Variants in RANBP9 observed in about 807,000 individuals in gnomAD.
The protein encoded by RANBP9 is RAN binding protein 9, also known as ran-binding protein 9.
Under a neutral mutation model 84.3 loss-of-function variants are expected in RANBP9, and 15 were observed. The observed-to-expected ratio is 0.18, with a 90% CI of 0.12 to 0.27. RANBP9 has a LOEUF of 0.27. RANBP9 is among the 10% of genes least tolerant of loss of function. The pLI, the probability that RANBP9 is intolerant of heterozygous loss-of-function variation, is 1.00. For missense variants in RANBP9, 809 were observed against 912.8 expected (o/e 0.89, Z 1.46); for synonymous variants, 392 against 349.6 (o/e 1.12, Z -1.35).
chr6:13,635,668 G>A (rs897519022), intron 10 of RANBP9, among the ~76,000 whole-genome samples: 1 of 150,264 alleles, frequency 6.7e-6, no homozygotes, highest in African/African-American at 2.4e-5. Flanking sequence ...ATGGCCCTAC[G>A]ACTCCAGAGC....
chr6:13,692,527 C>CAAAA (rs61237158), intron 2 of RANBP9, among the ~76,000 whole-genome samples: 18 of 28,710 alleles, frequency 6.3e-4, no homozygotes, highest in East Asian at 1.4e-3. Context: ...AACTCCGTCT[C>CAAAA]AAAAAAAAAA....
chr6:13,639,433 C>G (rs771018398), intron 9 of RANBP9, 130 bp downstream of exon 9: 1 of 997,520 alleles, frequency 1.0e-6, no homozygotes, highest in Non-Finnish European at 1.4e-6. Flanking sequence ...CCACCCTGGC[C>G]TCCCAAAGTG....
At chr6:13,667,738 T>C (rs147664771) in intron 2 of RANBP9, among the ~76,000 whole-genome samples, 379 of 152,268 alleles carry the variant, frequency 2.5e-3, no homozygotes, top group African/African-American at 8.6e-3. Flanking sequence ...CAACATGGCC[T>C]AGGTGTTTAA....
At chr6:13,666,600 CAAAAAAAAAAAAAAAAA>C (rs70989878) in intron 2 of RANBP9, among the ~76,000 whole-genome samples, 6 of 43,670 alleles carry the variant, frequency 1.4e-4, no homozygotes, top group Non-Finnish European at 2.6e-4. Flanking sequence ...CCCGTCTCTC[CAAAAAAAAAAAAAAAAA>C]AAAAAAAAAA....
intron 11 of RANBP9, among the ~76,000 whole-genome samples, chr6:13,634,136 C>T (rs1764871752): frequency 6.6e-6 from 1 of 152,186 alleles, no homozygotes; most frequent in African/African-American, 2.4e-5. Flanking sequence ...TCATCTCCAA[C>T]CTAAAATAGC....
intron 1 of RANBP9, among the ~76,000 whole-genome samples, chr6:13,708,723 T>TTGCTAC (rs755869909): frequency 2.0e-5 from 3 of 152,076 alleles, no homozygotes; most frequent in African/African-American, 7.2e-5. Flanking sequence ...TACTTCTCCT[T>TTGCTAC]TGCTACTGCT....
intron 2 of RANBP9, among the ~76,000 whole-genome samples, chr6:13,671,461 G>A (rs1303802727): frequency 6.6e-6 from 1 of 152,152 alleles, no homozygotes; most frequent in African/African-American, 2.4e-5. Flanking sequence ...AAAAAGGAAT[G>A]GAGTATTGAT....
At chr6:13,625,805 C>A in intron 12 of RANBP9, 41 bp from the exon 13 acceptor site, 1 of 1,338,254 alleles carries the variant, frequency 7.5e-7, no homozygotes, top group South Asian at 1.2e-5. Context: ...TCAAATAGTT[C>A]AACTATTATG....
At chr6:13,679,124 C>A (rs1765968658) in intron 2 of RANBP9, among the ~76,000 whole-genome samples, 1 of 152,152 alleles carries the variant, frequency 6.6e-6, no homozygotes, top group South Asian at 2.1e-4. Context: ...TCTCTCTACA[C>A]TGCACCTTCT....
intron 2 of RANBP9, among the ~76,000 whole-genome samples, chr6:13,661,215 T>C (rs1765532335): frequency 6.6e-6 from 1 of 152,158 alleles, no homozygotes. Context: ...TTAACCAGGA[T>C]CTAAACCAGT....
At chr6:13,680,914 T>C (rs561929156) in intron 2 of RANBP9, among the ~76,000 whole-genome samples, 1 of 152,326 alleles carries the variant, frequency 6.6e-6, no homozygotes, top group East Asian at 1.9e-4. Context: ...GAATGTGAGC[T>C]TCAGATAACC....
rs1764467447 is a variant in RANBP9, at chr6:13,622,149, GACAA to G, written c.*209_*212del. ...GAAATTCAGTAATATTTAACTCTTA[GACAA>G]CTAAGAGGTTAAAGATGGAAAATAA... On this transcript the variant is annotated 3_prime_UTR_variant, in exon 14 of 14. Transcript: ENST00000011619. 5.6e-6 allele frequency: 2 copies of G among 354,738 alleles called. No homozygotes were observed. Among genetic ancestry groups the G allele is most frequent in the African/African-American group, 4.3e-5 (2 of 46,960 alleles). The allele number at this position is 354,738 out of a possible 1,614,324, so 22.0% of individuals were successfully genotyped here. A position where few individuals can be genotyped will look rare whatever the true frequency, so the allele number is the denominator to read the frequency against.
chr6:13,690,824 T>C (rs367859166), intron 2 of RANBP9, among the ~76,000 whole-genome samples: 1 of 152,056 alleles, frequency 6.6e-6, no homozygotes, highest in Non-Finnish European at 1.5e-5. Context: ...CAATGATCAC[T>C]AAAAAGAAGG....
intron 5 of RANBP9, among the ~76,000 whole-genome samples, chr6:13,645,454 CA>C (rs1457097703): frequency 6.6e-6 from 1 of 152,092 alleles, no homozygotes; most frequent in Non-Finnish European, 1.5e-5. Context: ...TTCAAGTAAA[CA>C]AAAAATACAG....
intron 3 of RANBP9, among the ~76,000 whole-genome samples, chr6:13,658,329 CT>C (rs1381566695): frequency 1.3e-5 from 2 of 152,192 alleles, no homozygotes; most frequent in Non-Finnish European, 2.9e-5. Flanking sequence ...GCTCAGCAGG[CT>C]GGGCATGGTG....
intron 12 of RANBP9, among the ~76,000 whole-genome samples, chr6:13,629,889 GTC>G (rs936034680): frequency 3.2e-4 from 45 of 140,088 alleles, no homozygotes; most frequent in Admixed American, 6.6e-4. Context: ...TCTCTCTCAT[GTC>G]TCTGTCTCTC....
At chr6:13,690,313 T>C (rs935168792) in intron 2 of RANBP9, among the ~76,000 whole-genome samples, 5 of 152,348 alleles carry the variant, frequency 3.3e-5, no homozygotes, top group Admixed American at 1.3e-4. Context: ...AATAAATATA[T>C]TGCTTACTTA....
chr6:13,702,526 T>C (rs1758000764), intron 1 of RANBP9, among the ~76,000 whole-genome samples: 2 of 152,262 alleles, frequency 1.3e-5, no homozygotes, highest in Non-Finnish European at 2.9e-5. Flanking sequence ...ATTTAATTTA[T>C]GTCGCTTCAG....
At position 13,711,110 on chromosome 6, in the gene RANBP9, G is replaced by A. The variant is rs577515421; in HGVS notation, c.396C>T (p.Pro132=). Residue 132 remains proline (P), a synonymous_variant, in exon 1 of 14, where the codon CCC becomes CCT. Transcript: ENST00000011619. The part of the protein sequence containing the change: ...ALVAGSSAAA[P]FPHGDSALNE... ...TCAGGGCCGAGTCCCCGTGAGGGAA[G>A]GGGGCCGCGGCGCTGCTGCCCGCCA... The A allele has an allele frequency of 1.9e-5, 30 of 1,556,644 alleles. No homozygotes were observed. The highest frequency in any genetic ancestry group is 1.8e-4 in the African/African-American group (13 of 72,368).
Sources: allele counts gnomAD v4.1 joint callset (sites outside exome capture counted in the v4.1 genomes callset), GRCh38; gene constraint gnomAD v4.1.1; transcripts MANE v1.5; gene names NCBI Gene and HGNC (gene_info 2026-07-23, HGNC 2026-07-21).